Variants in PDZK1IP1 observed in about 807,000 individuals in gnomAD.
PDZK1IP1 encodes PDZK1 interacting protein 1, also known as PDZK1-interacting protein 1.
A neutral mutation model predicts 14.7 loss-of-function variants in PDZK1IP1; 9 were observed. The ratio of observed to expected loss-of-function variants is 0.61; its 90% CI spans 0.37 to 1.07. The LOEUF is 1.07. Ranked by LOEUF, PDZK1IP1 falls within the 50% of genes least tolerant of loss-of-function variation. The pLI, the probability that PDZK1IP1 is intolerant of heterozygous loss-of-function variation, is 0.01. For missense variants in PDZK1IP1, 152 were observed against 148.7 expected (o/e 1.02, Z -0.11); for synonymous variants, 70 against 61.2 (o/e 1.14, Z -0.67).
At chr1:47,186,570 C>T (rs930377308) in intron 2 of PDZK1IP1, among the ~76,000 whole-genome samples, 4 of 152,236 alleles carry the variant, frequency 2.6e-5, no homozygotes. Flanking sequence ...ACAGAGGCAG[C>T]CTTGCCTGAG....
At chr1:47,184,092 A>G (rs1238851505) in intron 3 of PDZK1IP1, 49 bp from the exon 4 acceptor site, 1 of 1,383,968 alleles carries the variant, frequency 7.2e-7, no homozygotes, top group African/African-American at 1.4e-5. Context: ...CTCCCATTCT[A>G]TCCCCTTCTC....
intron 1 of PDZK1IP1, among the ~76,000 whole-genome samples, chr1:47,189,029 T>A (rs943268401): frequency 1.3e-5 from 2 of 151,964 alleles, no homozygotes; most frequent in African/African-American, 4.8e-5. Context: ...AGAAAGGTGG[T>A]CTGAACCCTG....
intron 3 of PDZK1IP1, among the ~76,000 whole-genome samples, chr1:47,184,579 G>GC (rs1645307344): frequency 2.6e-4 from 2 of 7,646 alleles, no homozygotes; most frequent in Non-Finnish European, 2.1e-4. Flanking sequence ...ACCCCACTGA[G>GC]TCCATACCCC....
chr1:47,185,023 G>C lies in PDZK1IP1; in HGVS notation c.251C>G (p.Ser84Cys). 1 of 1,613,326 alleles carries C rather than the reference G, an allele frequency of 6.2e-7. No individual in the cohort carries two copies. The highest frequency in any genetic ancestry group is 8.5e-7 in the Non-Finnish European group (1 of 1,179,832). The change falls in exon 3 of 4, where the codon TCT (serine) becomes TGT (cysteine). Residue 84 changes from serine to cysteine, a missense_variant. Ser to Cys is a moderately radical substitution (Grantham distance 112, BLOSUM62 -1). Coordinates refer to ENST00000294338, the MANE Select transcript of PDZK1IP1 (RefSeq NM_005764.4). ...TCACCTGAAACTGGCCGCCATCGAAGAGTACCTTCCATCTGTTCCCACCAG... is the reference window on the plus strand; with the variant it reads ...TCACCTGAAACTGGCCGCCATCGAACAGTACCTTCCATCTGTTCCCACCAG... Reference protein sequence around the residue: ...GVLVGTDGRYSSMAASFRSSE... With the variant: ...GVLVGTDGRYCSMAASFRSSE...
chr1:47,188,528 C>A (rs1442365738), intron 1 of PDZK1IP1, among the ~76,000 whole-genome samples: 1 of 152,198 alleles, frequency 6.6e-6, no homozygotes, highest in Non-Finnish European at 1.5e-5. Flanking sequence ...GTCCTGCCTC[C>A]AGGCCAGAAT....
chr1:47,183,791 A>G lies in PDZK1IP1; in HGVS notation c.*180T>C. ...GGGCCACAGCCGAGCCCCAACCTAG[A>G]CACGGTCTGAGCTCCAACCTTGGCT... On this transcript the variant is annotated 3_prime_UTR_variant, in exon 4 of 4. Transcript: ENST00000294338. 1 of 629,546 alleles carries G rather than the reference A, an allele frequency of 1.6e-6. No individual in the cohort carries two copies. Among genetic ancestry groups the G allele is most frequent in the Non-Finnish European group, 2.8e-6 (1 of 352,328 alleles). 39.0% of individuals were successfully genotyped at this position (629,546 alleles called of 1,614,324 possible).
At chr1:47,185,780 G>A (rs1280656268) in intron 2 of PDZK1IP1, among the ~76,000 whole-genome samples, 2 of 152,052 alleles carry the variant, frequency 1.3e-5, no homozygotes, top group Admixed American at 6.6e-5. Context: ...GTCCGCTGCT[G>A]TCTGTGACGA....
intron 2 of PDZK1IP1, among the ~76,000 whole-genome samples, chr1:47,185,833 G>T (rs976990224): frequency 6.6e-6 from 1 of 151,840 alleles, no homozygotes; most frequent in Non-Finnish European, 1.5e-5. Flanking sequence ...GCTCAGACTC[G>T]TCTCTTCACT....
intron 2 of PDZK1IP1, 117 bp downstream of exon 2, chr1:47,187,198 CCTTG>C (rs10549554): frequency 0.68 from 490,554 of 726,480 alleles, 169,173 homozygotes; most frequent in Middle Eastern, 0.74. Flanking sequence ...GTTTCCCTTC[CCTTG>C]AGCCTCAGGG....
rs774390593 is a variant in PDZK1IP1 at position 47,185,038 on chromosome 1, G to A, written c.236C>T (p.Thr79Ile). 2.5e-5 allele frequency: 40 copies of A among 1,613,312 alleles called. No homozygotes were observed. The highest frequency in any genetic ancestry group is 5.0e-5 in the Admixed American group (3 of 59,984). Residue 79 changes from threonine to isoleucine, a missense_variant, in exon 3 of 4, where the codon ACA becomes ATA. By Grantham distance (89) the Thr-to-Ile change is moderately conservative (BLOSUM62 -1). Coordinates refer to ENST00000294338, the MANE Select transcript of PDZK1IP1 (RefSeq NM_005764.4). Reference protein sequence around the residue: ...GNKADGVLVGTDGRYSSMAAS... With the variant: ...GNKADGVLVGIDGRYSSMAAS... ...CGCCATCGAAGAGTACCTTCCATCTGTTCCCACCAGGACTCCATCTGCCTT... is the reference window on the plus strand; with the variant it reads ...CGCCATCGAAGAGTACCTTCCATCTATTCCCACCAGGACTCCATCTGCCTT...
intron 2 of PDZK1IP1, among the ~76,000 whole-genome samples, chr1:47,186,492 C>A (rs1645321204): frequency 6.6e-6 from 1 of 152,294 alleles, no homozygotes; most frequent in East Asian, 1.9e-4. Context: ...CCTCAGCAAC[C>A]CTGCATGGGG....
chr1:47,188,665 C>A (rs1645334637), intron 1 of PDZK1IP1, among the ~76,000 whole-genome samples: 1 of 152,202 alleles, frequency 6.6e-6, no homozygotes, highest in Non-Finnish European at 1.5e-5. Context: ...GAGGCCTGAC[C>A]TCTTCTCCGA....
At chr1:47,184,530 C>A (rs1557660530) in intron 3 of PDZK1IP1, among the ~76,000 whole-genome samples, 6 of 702 alleles carry the variant, frequency 8.5e-3, no homozygotes, top group Non-Finnish European at 0.011. Flanking sequence ...CCCCACTGAG[C>A]TCCATCCCCC....
intron 3 of PDZK1IP1, 68 bp downstream of exon 3, chr1:47,184,934 A>G: frequency 7.8e-7 from 1 of 1,279,216 alleles, no homozygotes; most frequent in Non-Finnish European, 1.1e-6. Context: ...TCCCCCCAGC[A>G]GCACCTGTCT....
In PDZK1IP1 at chr1:47,184,006, C is replaced by G. The variant is rs761516985; in HGVS notation, c.310G>C (p.Glu104Gln). 1 of 1,598,130 alleles carries G rather than the reference C, an allele frequency of 6.3e-7. No homozygotes were observed. The highest frequency in any genetic ancestry group is 1.1e-5 in the South Asian group (1 of 88,074). ...EHENAYENVPEEEGKVRSTPM is the reference protein window; with the variant it reads ...EHENAYENVPQEEGKVRSTPM Reference sequence around the variant, plus strand: ...GTGCTGCGGACCTTGCCTTCCTCCTCGGGCACATTCTCATAGGCATTCTCA... The same window carrying G: ...GTGCTGCGGACCTTGCCTTCCTCCTGGGGCACATTCTCATAGGCATTCTCA... Residue 104 changes from glutamate to glutamine, a missense_variant, in exon 4 of 4, where the codon GAG becomes CAG. Glu to Gln is a conservative substitution (Grantham distance 29, BLOSUM62 2). Transcript: ENST00000294338.
At position 47,189,870 on chromosome 1, in the gene PDZK1IP1, C is replaced by G; in HGVS notation, c.63G>C (p.Gln21His). ...AGCCCTCTCCTCCTGAGCTACCTTG[C>G]TGACAGCTGGCAGGTGGCACTGCCG... ...LLTAVPPASCQQGLGNLQPWM... is the reference protein window; with the variant it reads ...LLTAVPPASCHQGLGNLQPWM... The change falls in exon 1 of 4, where the codon CAG becomes CAC. Residue 21 changes from glutamine (Q) to histidine (H), a missense_variant. By Grantham distance (24) the Gln-to-His change is conservative. Coordinates refer to ENST00000294338, the MANE Select transcript of PDZK1IP1 (RefSeq NM_005764.4). The G allele has an allele frequency of 8.2e-6, 13 of 1,594,998 alleles. No individual in the cohort carries two copies. The highest frequency in any genetic ancestry group is 1.1e-5 in the Non-Finnish European group (13 of 1,177,674).
At chr1:47,187,228 G>C (rs1645325225) in intron 2 of PDZK1IP1, 91 bp downstream of exon 2, 1 of 859,650 alleles carries the variant, frequency 1.2e-6, no homozygotes, top group African/African-American at 1.7e-5. Flanking sequence ...ATTGGACACA[G>C]GGTTTCTGAG....
In PDZK1IP1 at chr1:47,185,093, G is replaced by T. The variant is rs576000568; in HGVS notation, c.181C>A (p.Pro61Thr). ...NHFWCQEEPE[P>T]AHMILTVGNK... is the part of the protein sequence containing the mutation. ...CCGACGGTCAGGATCATGTGTGCAG[G>T]CTCCCTGGGGATGGGATTCATCAGT... is the stretch of plus-strand genomic sequence containing the variant. The change falls in exon 3 of 4, where the codon CCT becomes ACT. Residue 61 changes from proline to threonine, a missense_variant. Coordinates refer to ENST00000294338, the MANE Select transcript of PDZK1IP1 (RefSeq NM_005764.4). 6.2e-7 allele frequency: 1 copy of T among 1,612,796 alleles called. No homozygotes were observed. The highest frequency in any genetic ancestry group is 1.7e-5 in the Admixed American group (1 of 60,016).
Position 47,187,307 on chromosome 1 carries a change from G to A in PDZK1IP1, c.176+12C>T. The A allele has an allele frequency of 6.3e-7, 1 of 1,599,528 alleles. No homozygotes were observed. The highest frequency in any genetic ancestry group is 8.6e-7 in the Non-Finnish European group (1 of 1,167,996). Reference sequence around the variant, plus strand: ...CACCCTGCCTGCTCAGGGACCCTTGGGCAGCACTCACGGCTCCTCCTGGCA... The same window carrying A: ...CACCCTGCCTGCTCAGGGACCCTTGAGCAGCACTCACGGCTCCTCCTGGCA... On this transcript the variant is annotated intron_variant, in intron 2 of 3. Transcript: ENST00000294338.
Sources: gnomAD v4.1 joint callset for allele counts (sites outside exome capture counted in the v4.1 genomes callset) on GRCh38, gnomAD v4.1.1 for gene constraint, MANE v1.5 for transcripts, NCBI Gene and HGNC (gene_info 2026-07-23, HGNC 2026-07-21) for gene names.